The following LUZP2 variants were observed in gnomAD, a reference collection of about 807,000 sequenced individuals.
The protein encoded by LUZP2 is leucine zipper protein 2.
A neutral mutation model predicts 51.6 loss-of-function variants in LUZP2; 52 were observed. That is an observed-to-expected ratio of 1.01 (90% CI 0.81 to 1.27). The LOEUF (loss-of-function observed/expected upper bound fraction) is 1.27, where lower values mean the gene tolerates loss of function less well. Among genes scored for constraint, LUZP2 ranks in the 50% most tolerant of loss-of-function variants. The pLI is 0.00. For synonymous variants in LUZP2, 154 were observed against 137.3 expected (o/e 1.12, Z -0.85); for missense variants, 436 against 395.4 (o/e 1.10, Z -0.87).
chr11:24,561,592 T>C lies in LUZP2; in HGVS notation c.62+64287T>C, dbSNP rs556291482. On this transcript the variant is annotated intron_variant, in intron 1 of 11. Coordinates refer to ENST00000336930, the MANE Select transcript of LUZP2 (RefSeq NM_001009909.4). The stretch of plus-strand genomic sequence containing the variant: ...GAGAACCAAACACTGCATGTTCTCA[T>C]GTTCTCACTCATAAGTGGTAGTTGA... Among the ~76,000 whole-genome samples, 2 of 152,196 alleles carry C rather than the reference T, an allele frequency of 1.3e-5. 1 individual carries two copies. The highest frequency in any genetic ancestry group is 6.8e-3 in the Middle Eastern group (2 of 294).
chr11:25,000,128 G>T (rs1193903411), intron 9 of LUZP2, among the ~76,000 whole-genome samples: 2 of 150,306 alleles, frequency 1.3e-5, no homozygotes, highest in African/African-American at 2.4e-5. Flanking sequence ...TAGACACAAA[G>T]TGCTGATTGG....
At chr11:24,519,053 G>T (rs115377879) in intron 1 of LUZP2, among the ~76,000 whole-genome samples, 1,550 of 152,280 alleles carry the variant, frequency 0.01, 23 homozygotes, top group African/African-American at 0.033. Context: ...CTGAGTACAT[G>T]TGTGAGCTCT....
At chr11:24,630,633 G>T (rs1451065524) in intron 1 of LUZP2, among the ~76,000 whole-genome samples, 1 of 148,016 alleles carries the variant, frequency 6.8e-6, no homozygotes, top group African/African-American at 2.5e-5. Context: ...GGTGCCTCCA[G>T]CTTTGTTCTC....
At chr11:24,826,188 A>ATATATAT (rs1193136085) in intron 5 of LUZP2, among the ~76,000 whole-genome samples, 304 of 27,970 alleles carry the variant, frequency 0.011, 1 homozygote, top group African/African-American at 0.025. Flanking sequence ...AAAAAAAAAA[A>ATATATAT]AAATATATAT....
chr11:24,595,425 C>T (rs1853409238), intron 1 of LUZP2, among the ~76,000 whole-genome samples: 1 of 152,132 alleles, frequency 6.6e-6, no homozygotes, highest in Admixed American at 6.6e-5. Flanking sequence ...ACATTAGTCT[C>T]AGGTCAGTAA....
chr11:24,622,062 T>A (rs951616505), intron 1 of LUZP2, among the ~76,000 whole-genome samples: 3 of 151,708 alleles, frequency 2.0e-5, no homozygotes, highest in Admixed American at 1.3e-4. Context: ...CACCTCAGCA[T>A]CCCAAGCAGC....
At chr11:25,035,801 A>T (rs1028176665) in intron 9 of LUZP2, among the ~76,000 whole-genome samples, 2 of 152,090 alleles carry the variant, frequency 1.3e-5, no homozygotes, top group Admixed American at 1.3e-4. Context: ...CTAGCCTTGC[A>T]TCCTAGGAGT....
At chr11:24,605,399 T>A (rs1853882190) in intron 1 of LUZP2, among the ~76,000 whole-genome samples, 1 of 151,770 alleles carries the variant, frequency 6.6e-6, no homozygotes. Flanking sequence ...GGTATTACAA[T>A]GCCTTGAATC....
chr11:24,677,173 C>G (rs1173144096), intron 1 of LUZP2, among the ~76,000 whole-genome samples: 1 of 152,104 alleles, frequency 6.6e-6, no homozygotes, highest in Non-Finnish European at 1.5e-5. Context: ...CTGTAGCTGC[C>G]TGGCACTATT....
chr11:24,509,941 G>C lies in LUZP2; in HGVS notation c.62+12636G>C, dbSNP rs535040871. Among the ~76,000 whole-genome samples, 10 of 152,240 alleles carry C rather than the reference G, an allele frequency of 6.6e-5. No homozygotes were observed. In the South Asian group the frequency reaches 1.5e-3, roughly 22 times the overall value. ...GAATTCTCAAAGACAGCTTTGACAGGTAGTGGGCAATGTGTGAGGGAGACA... is the reference window on the plus strand; with the variant it reads ...GAATTCTCAAAGACAGCTTTGACAGCTAGTGGGCAATGTGTGAGGGAGACA... On this transcript the variant is annotated intron_variant, in intron 1 of 11. Transcript: ENST00000336930.
At chr11:25,045,387 GAA>G (rs778522513) in intron 9 of LUZP2, among the ~76,000 whole-genome samples, 7 of 124,036 alleles carry the variant, frequency 5.6e-5, no homozygotes, top group East Asian at 2.3e-4. Context: ...AAGAATAACT[GAA>G]AAAAAAAAAA....
chr11:24,930,033 A>T (rs1358111098), intron 7 of LUZP2, among the ~76,000 whole-genome samples: 1 of 152,156 alleles, frequency 6.6e-6, no homozygotes, highest in Non-Finnish European at 1.5e-5. Flanking sequence ...TGTTTGTCTG[A>T]TATAAGAATA....
intron 1 of LUZP2, among the ~76,000 whole-genome samples, chr11:24,589,641 T>A (rs1245496765): frequency 6.6e-6 from 1 of 152,200 alleles, no homozygotes; most frequent in African/African-American, 2.4e-5. Context: ...TTACAATTTT[T>A]TTAAGGAATT....
intron 9 of LUZP2, among the ~76,000 whole-genome samples, chr11:25,010,745 G>A (rs1856961706): frequency 6.6e-6 from 1 of 152,052 alleles, no homozygotes; most frequent in South Asian, 2.1e-4. Context: ...TACTCCAGTG[G>A]CTGAGGTGGG....
At chr11:24,945,532 T>TC (rs1477458401) in intron 7 of LUZP2, among the ~76,000 whole-genome samples, 1 of 143,814 alleles carries the variant, frequency 7.0e-6, no homozygotes, top group Non-Finnish European at 1.5e-5. Flanking sequence ...TTTTTTTTTT[T>TC]CCAGTCCTAC....
chr11:24,717,837 G>A (rs190904483), intron 1 of LUZP2, among the ~76,000 whole-genome samples: 1 of 148,006 alleles, frequency 6.8e-6, no homozygotes, highest in East Asian at 2.0e-4. Context: ...ACTTATAAAC[G>A]AGAGCATGTG....
At chr11:24,665,965 C>A (rs1353585651) in intron 1 of LUZP2, among the ~76,000 whole-genome samples, 1 of 152,076 alleles carries the variant, frequency 6.6e-6, no homozygotes, top group African/African-American at 2.4e-5. Flanking sequence ...TATCATTATA[C>A]ATAATTTTTC....
At chr11:25,020,776 T>C (rs142289955) in intron 9 of LUZP2, among the ~76,000 whole-genome samples, 44 of 126,640 alleles carry the variant, frequency 3.5e-4, no homozygotes, top group African/African-American at 1.5e-3. Flanking sequence ...TAATTTTACT[T>C]GGGGTCTAAT....
Position 25,075,340 on chromosome 11 carries a change from A to C in LUZP2, c.859-1989A>C, listed in dbSNP as rs141795209. Among the ~76,000 whole-genome samples the C allele has an allele frequency of 5.4e-3, 820 of 152,346 alleles. 9 individuals are homozygous for C. Among genetic ancestry groups the C allele is most frequent in the African/African-American group, 0.019 (780 of 41,582 alleles). On this transcript the variant is annotated intron_variant, in intron 10 of 11. Coordinates refer to ENST00000336930, the MANE Select transcript of LUZP2 (RefSeq NM_001009909.4). ...TCTGTATACTGTAGGCTTATTTAGA[A>C]GAACCAATTGTGTATAAAATGTGCC...
Sources: gnomAD v4.1 joint callset for allele counts (sites outside exome capture counted in the v4.1 genomes callset) on GRCh38, gnomAD v4.1.1 for gene constraint, MANE v1.5 for transcripts, NCBI Gene and HGNC (gene_info 2026-07-23, HGNC 2026-07-21) for gene names.